Variants in RUNX3 observed in about 807,000 individuals in gnomAD.
RUNX3 encodes RUNX family transcription factor 3.
A neutral mutation model predicts 27.7 loss-of-function variants in RUNX3; 10 were observed. The ratio of observed to expected loss-of-function variants is 0.36; its 90% CI spans 0.22 to 0.61. The LOEUF is 0.61. Among genes scored for constraint, RUNX3 ranks in the 20% least tolerant of loss-of-function variants. RUNX3 has a pLI of 0.72. For synonymous variants in RUNX3, 270 were observed against 269.2 expected, an observed-to-expected ratio of 1.00 and a Z score of -0.03; for missense variants, 469 against 629.5, an observed-to-expected ratio of 0.75 and a Z score of 2.73.
chr1:24,932,073 G>C (rs1641242077), upstream of RUNX3, among the ~76,000 whole-genome samples: 1 of 152,238 alleles, frequency 6.6e-6, no homozygotes, highest in Non-Finnish European at 1.5e-5. Flanking sequence ...CCTCGAGCAG[G>C]TTGCGGGACC....
chr1:24,956,096 G>C (rs886677087), intron 2 of RUNX3, among the ~76,000 whole-genome samples: 2 of 152,214 alleles, frequency 1.3e-5, no homozygotes, highest in Admixed American at 1.3e-4. Context: ...TCCACAGCCC[G>C]ACAGGGCAGA....
In RUNX3 at chr1:24,943,454, C is replaced by A. The variant is rs992570272; in HGVS notation, c.59-13602G>T. Among the ~76,000 whole-genome samples the A allele has an allele frequency of 1.3e-5, 2 of 152,212 alleles. No individual in the cohort carries two copies. The highest frequency in any genetic ancestry group is 4.8e-5 in the African/African-American group (2 of 41,456). On this transcript the variant is annotated intron_variant, in intron 2 of 6. Coordinates refer to the RUNX3 transcript ENST00000338888. This position sits in a 1 kb window ranked among gnomAD's most constrained non-coding sequence, Gnocchi z 4.6. ...AACTCACACAGCTTAACTCTTCATC[C>A]TTGCTCCATCCTAAGAGGGGGTTCT...
intron 2 of RUNX3, among the ~76,000 whole-genome samples, chr1:24,937,440 C>T (rs568949089): frequency 6.6e-6 from 1 of 152,368 alleles, no homozygotes; most frequent in South Asian, 2.1e-4. Context: ...TGTACCCAAT[C>T]CCGGGGAGTA....
intron 3 of RUNX3, among the ~76,000 whole-genome samples, chr1:24,910,525 C>A (rs536218803): frequency 2.6e-5 from 4 of 152,296 alleles, no homozygotes; most frequent in Admixed American, 2.6e-4. Context: ...GGGGACAGAG[C>A]CCGAGGCCTC....
chr1:24,963,946 G>A (rs372144042), intron 2 of RUNX3, among the ~76,000 whole-genome samples: 36 of 152,338 alleles, frequency 2.4e-4, no homozygotes, highest in Middle Eastern at 6.8e-3. Context: ...CTGTCCCCCT[G>A]CCCCGTGCAG....
chr1:24,910,231 G>A (rs892928880), intron 3 of RUNX3, among the ~76,000 whole-genome samples: 1 of 146,554 alleles, frequency 6.8e-6, no homozygotes, highest in African/African-American at 2.6e-5. Flanking sequence ...GGAGGTTGCA[G>A]TGAGCCAAGA....
At position 24,956,392 on chromosome 1, in the gene RUNX3, C is replaced by T. The variant is rs139249727; in HGVS notation, c.58+8122G>A. On this transcript the variant is annotated intron_variant, in intron 2 of 6. Coordinates refer to the RUNX3 transcript ENST00000338888. ...TTACCTGCCATCATGGCGGACCACACAGTATTAACTACTATGGACTTTTCA... is the reference window on the plus strand; with the variant it reads ...TTACCTGCCATCATGGCGGACCACATAGTATTAACTACTATGGACTTTTCA... Among the ~76,000 whole-genome samples, 309 of 152,378 alleles carry T rather than the reference C, an allele frequency of 2.0e-3. 4 individuals are homozygous for T. The highest frequency in any genetic ancestry group is 7.1e-3 in the African/African-American group (296 of 41,586).
chr1:24,933,033 A>G (rs1641267249), upstream of RUNX3, among the ~76,000 whole-genome samples: 1 of 152,194 alleles, frequency 6.6e-6, no homozygotes, highest in Non-Finnish European at 1.5e-5. Flanking sequence ...TCCCTCTGGC[A>G]TTTAGGAGTG....
At chr1:24,937,111 C>CT (rs1641365677) in intron 2 of RUNX3, among the ~76,000 whole-genome samples, 1 of 152,214 alleles carries the variant, frequency 6.6e-6, no homozygotes, top group Non-Finnish European at 1.5e-5. Flanking sequence ...AGCTGCAATC[C>CT]TGGGGAGAGG....
intron 3 of RUNX3, among the ~76,000 whole-genome samples, chr1:24,910,695 C>T (rs1044605246): frequency 6.6e-6 from 1 of 152,224 alleles, no homozygotes; most frequent in Non-Finnish European, 1.5e-5. Context: ...CTCAGCCAGT[C>T]ACCAAGAACC....
At position 24,908,174 on chromosome 1, in the gene RUNX3, G is replaced by A. The variant is rs1319719227; in HGVS notation, c.545-757C>T. 3.8e-3 allele frequency among the ~76,000 whole-genome samples: 346 copies of A among 90,926 alleles called. 13 individuals are homozygous for A. The highest frequency in any genetic ancestry group is 0.015 in the African/African-American group (289 of 18,908). 59.7% of individuals were successfully genotyped at this position (90,926 alleles called of 152,430 possible). On this transcript the variant is annotated intron_variant, in intron 3 of 4. Coordinates refer to ENST00000308873, the MANE Select transcript of RUNX3 (RefSeq NM_004350.3). ...GAACCTCTACGACACGCGGTGATCCGAAGCTCTACGACACGCGGTGATCCG... is the reference window on the plus strand; with the variant it reads ...GAACCTCTACGACACGCGGTGATCCAAAGCTCTACGACACGCGGTGATCCG...
intron 2 of RUNX3, among the ~76,000 whole-genome samples, chr1:24,938,754 C>G (rs1047741429): frequency 6.6e-6 from 1 of 152,102 alleles, no homozygotes; most frequent in Non-Finnish European, 1.5e-5. Context: ...CCTCTTTGCC[C>G]TTCTGACTTC....
intron 2 of RUNX3, among the ~76,000 whole-genome samples, chr1:24,956,715 G>A (rs368756789): frequency 6.6e-6 from 1 of 152,218 alleles, no homozygotes; most frequent in East Asian, 1.9e-4. Context: ...AAGGAGCACT[G>A]GAGGCCAAGC....
At chr1:24,947,825 T>C (rs1460959991) in intron 2 of RUNX3, among the ~76,000 whole-genome samples, 1 of 152,194 alleles carries the variant, frequency 6.6e-6, no homozygotes, top group East Asian at 1.9e-4. Context: ...GTGGCCCCTG[T>C]CTGCCAGGCG....
In RUNX3 at chr1:24,927,352, T is replaced by C. The variant is rs1641118558; in HGVS notation, c.439+222A>G. On this transcript the variant is annotated intron_variant, in intron 2 of 4. Transcript: ENST00000308873. This position sits in a 1 kb window ranked among gnomAD's most constrained non-coding sequence, Gnocchi z 5.0. ...AACGGTTTCAGGAGTTGGTAAACCC[T>C]AGAAACTGGGAGAAAATTGTCTTTT... Among the ~76,000 whole-genome samples the C allele has an allele frequency of 6.6e-6, 1 of 152,200 alleles. No homozygotes were observed. The highest frequency in any genetic ancestry group is 1.5e-5 in the Non-Finnish European group (1 of 68,028).
At chr1:24,930,930 G>T (rs1641214266), upstream of RUNX3, among the ~76,000 whole-genome samples, 1 of 152,210 alleles carries the variant, frequency 6.6e-6, no homozygotes, top group African/African-American at 2.4e-5. This position sits in a 1 kb window ranked among gnomAD's most constrained non-coding sequence, Gnocchi z 4.1. Flanking sequence ...GTCTCCTAGG[G>T]ACCCTAAGTA....
In RUNX3 at chr1:24,927,841, C is replaced by G; in HGVS notation, c.283-111G>C. ...GCAGCTCCCCCAGGTCCCAGGCACA[C>G]TGAGTATTTCTCCAATGCAGGGTGG... is the stretch of plus-strand genomic sequence containing the variant. On this transcript the variant is annotated intron_variant, in intron 1 of 4. Transcript: ENST00000308873. This position sits in a 1 kb window ranked among gnomAD's most constrained non-coding sequence, Gnocchi z 5.0. 1 of 875,694 alleles carries G rather than the reference C, an allele frequency of 1.1e-6. No homozygotes were observed. Among genetic ancestry groups the G allele is most frequent in the Non-Finnish European group, 1.9e-6 (1 of 536,268 alleles). 54.2% of individuals were successfully genotyped at this position (875,694 alleles called of 1,614,324 possible). A position where few individuals can be genotyped will look rare whatever the true frequency, so the allele number is the denominator to read the frequency against.
rs781197629 is a variant in RUNX3, at chr1:24,902,634, G to A, written c.736C>T (p.Arg246Cys). The change falls in exon 5 of 5, where the codon CGC (arginine) becomes TGC (cysteine). Residue 246 changes from arginine to cysteine, a missense_variant. By Grantham distance (180) the Arg-to-Cys change is radical (BLOSUM62 -3). Transcript: ENST00000308873. The surrounding 1 kb of genome is among the most constrained non-coding windows in gnomAD (Gnocchi z 9.2). ...TSELNPFSDPRQFDRSFPTLP... is the reference protein window; with the variant it reads ...TSELNPFSDPCQFDRSFPTLP... ...GTGGGGAAGGAGCGGTCAAACTGGC[G>A]GGGGTCGGAGAATGGGTTCAGTTCC... 2.6e-6 allele frequency: 4 copies of A among 1,527,624 alleles called. No homozygotes were observed. The highest frequency in any genetic ancestry group is 1.4e-5 in the African/African-American group (1 of 72,372). 94.6% of individuals were successfully genotyped at this position (1,527,624 alleles called of 1,614,324 possible). A position where few individuals can be genotyped will look rare whatever the true frequency, so the allele number is the denominator to read the frequency against.
chr1:24,935,249 A>G (rs11249204), upstream of RUNX3, among the ~76,000 whole-genome samples: 81,053 of 152,066 alleles, frequency 0.53, 21,801 homozygotes, highest in South Asian at 0.59. Flanking sequence ...GGAAGTGCTA[A>G]TCAGACGTGT....
Sources: allele counts gnomAD v4.1 joint callset (sites outside exome capture counted in the v4.1 genomes callset), GRCh38; gene constraint gnomAD v4.1.1; non-coding constraint Gnocchi (gnomAD v3.1); transcripts MANE v1.5; gene names NCBI Gene and HGNC (gene_info 2026-07-23, HGNC 2026-07-21).